ARL15: variants seen among roughly 807,000 people sequenced by gnomAD.
ARL15 encodes ADP-ribosylation factor-like protein 15.
Under a neutral mutation model 25.2 loss-of-function variants are expected in ARL15, and 19 were observed. The observed-to-expected ratio is 0.75, with a 90% CI of 0.53 to 1.10. The LOEUF (loss-of-function observed/expected upper bound fraction) is 1.10, where lower values mean the gene tolerates loss of function less well. Ranked by LOEUF, ARL15 falls within the 50% of genes least tolerant of loss-of-function variation. The pLI is 0.00. For synonymous variants in ARL15, 94 were observed against 86.8 expected (o/e 1.08, Z -0.46); for missense variants, 220 against 246.0 (o/e 0.89, Z 0.71).
At chr5:53,926,748 C>CT (rs1217258298) in intron 4 of ARL15, among the ~76,000 whole-genome samples, 4 of 152,148 alleles carry the variant, frequency 2.6e-5, no homozygotes, top group Admixed American at 1.3e-4. Context: ...GCCATCCATG[C>CT]TCTTCTTTCC....
At chr5:53,991,355 A>G (rs537523748) in intron 4 of ARL15, among the ~76,000 whole-genome samples, 12 of 152,212 alleles carry the variant, frequency 7.9e-5, no homozygotes, top group Non-Finnish European at 8.8e-5. Context: ...CAGCCTGACC[A>G]ATATGATGAA....
chr5:54,014,091 A>G (rs1749331753), intron 4 of ARL15, among the ~76,000 whole-genome samples: 1 of 152,220 alleles, frequency 6.6e-6, no homozygotes, highest in African/African-American at 2.4e-5. Context: ...ACACTCAAAG[A>G]TCATGCTTAA....
intron 4 of ARL15, among the ~76,000 whole-genome samples, chr5:53,896,732 A>G (rs271206): frequency 0.93 from 142,188 of 152,196 alleles, 67,047 homozygotes; most frequent in Non-Finnish European, 1. Flanking sequence ...TCCTGACCTC[A>G]TGATCCGCCT....
At chr5:53,919,145 C>T (rs1488302110) in intron 4 of ARL15, among the ~76,000 whole-genome samples, 1 of 152,204 alleles carries the variant, frequency 6.6e-6, no homozygotes, top group African/African-American at 2.4e-5. Context: ...TCTGTGAAAA[C>T]AGGAACCATA....
intron 4 of ARL15, among the ~76,000 whole-genome samples, chr5:54,016,029 C>T (rs527461344): frequency 1.3e-5 from 2 of 152,144 alleles, no homozygotes; most frequent in African/African-American, 4.8e-5. Flanking sequence ...AGCCCTTTTC[C>T]TTTCTGTAGC....
chr5:53,915,416 G>A (rs558115922), intron 4 of ARL15, among the ~76,000 whole-genome samples: 1 of 152,336 alleles, frequency 6.6e-6, no homozygotes, highest in Non-Finnish European at 1.5e-5. Flanking sequence ...AAAAATGGCT[G>A]TGGGAACACA....
intron 4 of ARL15, among the ~76,000 whole-genome samples, chr5:53,973,756 C>G (rs1580131728): frequency 6.6e-6 from 1 of 151,768 alleles, no homozygotes; most frequent in East Asian, 1.9e-4. Context: ...CAAAACAAAA[C>G]AAACAAACAA....
intron 3 of ARL15, among the ~76,000 whole-genome samples, chr5:54,131,794 T>A (rs946985365): frequency 5.9e-5 from 9 of 151,900 alleles, no homozygotes; most frequent in African/African-American, 2.2e-4. Context: ...GCCCAGCTAC[T>A]CGGGAGGCTG....
intron 1 of ARL15, among the ~76,000 whole-genome samples, chr5:54,172,965 TC>T (rs1303173062): frequency 6.6e-6 from 1 of 151,976 alleles, no homozygotes; most frequent in African/African-American, 2.4e-5. Context: ...AGGCCTGTAA[TC>T]CCAGCACTTT....
chr5:53,971,761 C>A (rs551964987), intron 4 of ARL15, among the ~76,000 whole-genome samples: 2 of 152,222 alleles, frequency 1.3e-5, no homozygotes, highest in South Asian at 4.1e-4. Context: ...GCTGAGAGGC[C>A]AGAAAGGGAA....
chr5:54,171,274 A>G (rs1030523188), intron 2 of ARL15, among the ~76,000 whole-genome samples: 2 of 152,152 alleles, frequency 1.3e-5, no homozygotes, highest in Non-Finnish European at 1.5e-5. Flanking sequence ...CCTGATTGAG[A>G]ACCACTGCCC....
intron 1 of ARL15, among the ~76,000 whole-genome samples, chr5:54,180,808 TC>T (rs1755033858): frequency 6.6e-6 from 1 of 152,194 alleles, no homozygotes; most frequent in South Asian, 2.1e-4. Context: ...CCTGTCTCTG[TC>T]CCTATTAACT....
intron 1 of ARL15, among the ~76,000 whole-genome samples, chr5:54,259,208 G>T (rs1267444650): frequency 6.6e-6 from 1 of 152,046 alleles, no homozygotes; most frequent in Non-Finnish European, 1.5e-5. Flanking sequence ...ATTTGAATAG[G>T]CAGGACTCAC....
intron 4 of ARL15, among the ~76,000 whole-genome samples, chr5:53,988,135 T>A (rs1379131209): frequency 1.3e-5 from 2 of 149,258 alleles, no homozygotes; most frequent in Non-Finnish European, 3.0e-5. Context: ...ATAATGATAA[T>A]AATAATAATA....
At chr5:54,038,130 A>G (rs542790049) in intron 4 of ARL15, among the ~76,000 whole-genome samples, 196 of 152,266 alleles carry the variant, frequency 1.3e-3, no homozygotes, top group African/African-American at 4.5e-3. Flanking sequence ...TATTTTAATG[A>G]GAGCATGTAC....
intron 4 of ARL15, among the ~76,000 whole-genome samples, chr5:54,027,300 G>C (rs1749811288): frequency 6.6e-6 from 1 of 152,054 alleles, no homozygotes; most frequent in African/African-American, 2.4e-5. Context: ...CTTATAGAAA[G>C]TTTTTGAAAA....
At chr5:54,029,459 C>A (rs1159126065) in intron 4 of ARL15, among the ~76,000 whole-genome samples, 1 of 150,212 alleles carries the variant, frequency 6.7e-6, no homozygotes, top group Non-Finnish European at 1.5e-5. Context: ...GTATTAAAAA[C>A]CCCCACTCTC....
intron 1 of ARL15, among the ~76,000 whole-genome samples, chr5:54,207,337 C>T (rs1755898850): frequency 6.6e-6 from 1 of 152,186 alleles, no homozygotes; most frequent in African/African-American, 2.4e-5. Context: ...CCCAATGTTA[C>T]CTCTTCTTAA....
chr5:54,218,983 CTG>C (rs1333803111), intron 1 of ARL15, among the ~76,000 whole-genome samples: 2 of 101,760 alleles, frequency 2.0e-5, no homozygotes, highest in African/African-American at 6.6e-5. Context: ...ACTGCTACTG[CTG>C]TTTTTTTTTT....
Sources: allele counts gnomAD v4.1 joint callset (sites outside exome capture counted in the v4.1 genomes callset), GRCh38; gene constraint gnomAD v4.1.1; transcripts MANE v1.5; gene names NCBI Gene and HGNC (gene_info 2026-07-23, HGNC 2026-07-21).